BICRA: variants seen among roughly 807,000 people sequenced by gnomAD.
BICRA encodes the protein BRD4-interacting chromatin-remodeling complex-associated protein.
BICRA carries 31 observed loss-of-function variants against 96.9 expected under a neutral mutation model. That is an observed-to-expected ratio of 0.32 (90% CI 0.24 to 0.43). BICRA has a LOEUF of 0.43. Among genes scored for constraint, BICRA ranks in the 20% least tolerant of loss-of-function variants. BICRA has a pLI of 1.00. For missense variants in BICRA, 2,283 were observed against 2,190.3 expected, an observed-to-expected ratio of 1.04 and a Z score of -0.84; for synonymous variants, 1,350 against 1,071.8, an observed-to-expected ratio of 1.26 and a Z score of -5.07.
Position 47,681,993 on chromosome 19 carries a change from C to T in BICRA, c.2124C>T (p.Pro708=). 6.4e-7 allele frequency: 1 copy of T among 1,569,112 alleles called. No individual in the cohort carries two copies. The highest frequency in any genetic ancestry group is 1.4e-5 in the African/African-American group (1 of 73,942). The change falls in exon 7 of 15, where the codon CCC becomes CCT. Residue 708 remains proline, a synonymous_variant. Coordinates refer to ENST00000594866, the MANE Select transcript of BICRA (RefSeq NM_001394372.1). ...MFLPQERSQQ[P]LSAEGPHLSV... ...CGTTGCAGGAGAGGAGCCAGCAGCCCCTCTCCGCAGAGGGCCCCCACCTCT... is the reference window on the plus strand; with the variant it reads ...CGTTGCAGGAGAGGAGCCAGCAGCCTCTCTCCGCAGAGGGCCCCCACCTCT...
At chr19:47,610,348 G>A (rs1250740389) in intron 1 of BICRA, among the ~76,000 whole-genome samples, 1 of 152,242 alleles carries the variant, frequency 6.6e-6, no homozygotes, top group African/African-American at 2.4e-5. Context: ...GGGAGGACCG[G>A]GCAAGGAGCC....
At chr19:47,653,351 A>G (rs1428211693) in intron 1 of BICRA, among the ~76,000 whole-genome samples, 1 of 149,108 alleles carries the variant, frequency 6.7e-6, no homozygotes, top group Non-Finnish European at 1.5e-5. Flanking sequence ...TTTCAAGGAC[A>G]TCTTTACTGA....
In BICRA at chr19:47,694,296, G is replaced by GT; in HGVS notation, c.2465_2466insT (p.Pro825ThrfsTer46). ...CCCTCAGAGCCACCCTTGCACCCTT[G>GT]CCCCCCACCCCAGGCCCCCCCAACT... On this transcript the variant is annotated frameshift_variant, in exon 8 of 15. Transcript: ENST00000594866. LOFTEE classifies it high-confidence loss of function. 5 of 628,888 alleles carry GT rather than the reference G, an allele frequency of 8.0e-6. No individual in the cohort carries two copies. The highest frequency in any genetic ancestry group is 3.6e-5 in the Admixed American group (1 of 27,778). The allele number at this position is 628,888 out of a possible 1,614,324, so 39.0% of individuals were successfully genotyped here. A position where few individuals can be genotyped will look rare whatever the true frequency, so the allele number is the denominator to read the frequency against.
chr19:47,624,449 T>TA (rs1972110692), intron 1 of BICRA, among the ~76,000 whole-genome samples: 1 of 152,320 alleles, frequency 6.6e-6, no homozygotes, highest in Admixed American at 6.5e-5. Flanking sequence ...GTTTATACGA[T>TA]ACTGCAATCT....
Position 47,701,242 on chromosome 19 carries a change from A to T in BICRA, c.3596-86A>T. ...TGCAGTCTGGTGCCTGGCAGGTAGT[A>T]GGTGCTCACTGCACACAGCTCCTCC... On this transcript the variant is annotated intron_variant, in intron 14 of 14. Transcript: ENST00000594866. This position sits in a 1 kb window ranked among gnomAD's most constrained non-coding sequence, Gnocchi z 5.4. 1 of 871,632 alleles carries T rather than the reference A, an allele frequency of 1.1e-6. No individual in the cohort carries two copies. Among genetic ancestry groups the T allele is most frequent in the Non-Finnish European group, 1.8e-6 (1 of 541,204 alleles). 54.0% of individuals were successfully genotyped at this position (871,632 alleles called of 1,614,324 possible).
intron 1 of BICRA, among the ~76,000 whole-genome samples, chr19:47,665,325 T>C (rs1972762173): frequency 1.3e-5 from 2 of 152,254 alleles, no homozygotes; most frequent in African/African-American, 4.8e-5. Context: ...GAGCTCCTAC[T>C]GTATGCCACA....
intron 1 of BICRA, among the ~76,000 whole-genome samples, chr19:47,649,471 A>G (rs1972511404): frequency 6.6e-6 from 1 of 152,150 alleles, no homozygotes; most frequent in Admixed American, 6.6e-5. Flanking sequence ...TGCCTCGAAG[A>G]TCTTGTGTCC....
chr19:47,621,106 C>T (rs954946204), intron 1 of BICRA, among the ~76,000 whole-genome samples: 2 of 152,142 alleles, frequency 1.3e-5, no homozygotes, highest in African/African-American at 4.8e-5. Flanking sequence ...CCCCACTGCT[C>T]AGCGGGGAAA....
rs553426733 is a variant in BICRA at position 47,665,042 on chromosome 19, C to G, written c.-107-5401C>G. Among the ~76,000 whole-genome samples the G allele has an allele frequency of 3.1e-3, 465 of 151,120 alleles. 1 individual carries two copies. The highest frequency in any genetic ancestry group is 0.011 in the African/African-American group (442 of 41,058). ...TTCAACCCCCACCCCCCCGCCCCCCCACTCTGCAACCTCAGTCACTGTTTC... is the reference window on the plus strand; with the variant it reads ...TTCAACCCCCACCCCCCCGCCCCCCGACTCTGCAACCTCAGTCACTGTTTC... On this transcript the variant is annotated intron_variant, in intron 1 of 14. Transcript: ENST00000594866.
intron 2 of BICRA, among the ~76,000 whole-genome samples, chr19:47,671,705 G>GAATA (rs1972864091): frequency 6.7e-6 from 1 of 149,618 alleles, no homozygotes; most frequent in Non-Finnish European, 1.5e-5. Context: ...ATGGAGGGAT[G>GAATA]GGTGGGTAGA....
intron 1 of BICRA, among the ~76,000 whole-genome samples, chr19:47,628,055 A>G (rs1439035659): frequency 6.6e-6 from 1 of 152,180 alleles, no homozygotes; most frequent in East Asian, 1.9e-4. Flanking sequence ...GGTGTGAGCC[A>G]CCGCGCCGGG....
chr19:47,652,381 GT>G (rs1334815927), intron 1 of BICRA, among the ~76,000 whole-genome samples: 2 of 152,080 alleles, frequency 1.3e-5, no homozygotes, highest in South Asian at 4.1e-4. Flanking sequence ...AGAGAACAGG[GT>G]CTCACTATGC....
intron 1 of BICRA, among the ~76,000 whole-genome samples, chr19:47,658,060 AG>A (rs1972647684): frequency 6.6e-6 from 1 of 152,136 alleles, no homozygotes; most frequent in African/African-American, 2.4e-5. Flanking sequence ...TCAAGCAAAA[AG>A]GAGAGGGAGC....
chr19:47,622,079 G>A lies in BICRA; in HGVS notation c.-108+12911G>A, dbSNP rs1300203076. Among the ~76,000 whole-genome samples the A allele has an allele frequency of 5.3e-5, 8 of 151,960 alleles. No homozygotes were observed. In the East Asian group the frequency reaches 1.6e-3, roughly 30 times the overall value. On this transcript the variant is annotated intron_variant, in intron 1 of 14. Transcript: ENST00000594866. ...CCTCCCGGGTTCAAGCAGTTCTCCTGCCTCAGCCTCCCGAGTAGCTGGGAC... is the reference window on the plus strand; with the variant it reads ...CCTCCCGGGTTCAAGCAGTTCTCCTACCTCAGCCTCCCGAGTAGCTGGGAC...
chr19:47,657,648 G>A (rs1215711432), intron 1 of BICRA, among the ~76,000 whole-genome samples: 3 of 151,904 alleles, frequency 2.0e-5, no homozygotes, highest in South Asian at 2.1e-4. Flanking sequence ...CGCCCACCTC[G>A]GCCTCCCAAA....
rs1371467515 is a variant in BICRA, at chr19:47,681,267, C to G, written c.2097C>G (p.Phe699Leu). The change falls in exon 6 of 15, where the codon TTC becomes TTG. Residue 699 changes from phenylalanine to leucine, a missense_variant. Phe to Leu is a conservative substitution (Grantham distance 22, BLOSUM62 0). Transcript: ENST00000594866. Reference sequence around the variant, plus strand: ...TCACTCAGGACTCCCTGCAGATGTTCCTGCCCCAGGTAAGCAGGGCGGGGC... The same window carrying G: ...TCACTCAGGACTCCCTGCAGATGTTGCTGCCCCAGGTAAGCAGGGCGGGGC... ...AILTQDSLQM[F>L]LPQERSQQPL... 4 of 1,541,086 alleles carry G rather than the reference C, an allele frequency of 2.6e-6. No homozygotes were observed. The highest frequency in any genetic ancestry group is 3.5e-6 in the Non-Finnish European group (4 of 1,149,274).
Position 47,681,241 on chromosome 19 carries a change from C to T in BICRA, c.2071C>T (p.Leu691Phe), listed in dbSNP as rs899132882. Residue 691 changes from leucine (L) to phenylalanine (F), a missense_variant, in exon 6 of 15, where the codon CTC becomes TTC. Leu to Phe is a conservative substitution (Grantham distance 22). Coordinates refer to ENST00000594866, the MANE Select transcript of BICRA (RefSeq NM_001394372.1). ...QPPSATPTAILTQDSLQMFLP... is the reference protein window; with the variant it reads ...QPPSATPTAIFTQDSLQMFLP... ...GCCCTCTGCCACCCCCACGGCCATC[C>T]TCACTCAGGACTCCCTGCAGATGTT... 2 of 1,538,228 alleles carry T rather than the reference C, an allele frequency of 1.3e-6. No homozygotes were observed. Among genetic ancestry groups the T allele is most frequent in the Middle Eastern group, 1.7e-4 (1 of 5,992 alleles).
chr19:47,668,275 C>G (rs1568564269), intron 1 of BICRA, among the ~76,000 whole-genome samples: 1 of 152,086 alleles, frequency 6.6e-6, no homozygotes, highest in Non-Finnish European at 1.5e-5. Context: ...TCACAGATCC[C>G]GTATTTGCGA....
intron 7 of BICRA, among the ~76,000 whole-genome samples, chr19:47,692,615 C>T (rs1450500583): frequency 6.6e-6 from 1 of 152,208 alleles, no homozygotes; most frequent in African/African-American, 2.4e-5. Flanking sequence ...AGCTGCCTTC[C>T]AGGAGGCAGT....
Sources: gnomAD v4.1 joint callset for allele counts (sites outside exome capture counted in the v4.1 genomes callset) on GRCh38, gnomAD v4.1.1 for gene constraint, Gnocchi (gnomAD v3.1) non-coding constraint, MANE v1.5 for transcripts, NCBI Gene and HGNC (gene_info 2026-07-23, HGNC 2026-07-21) for gene names.